Variants in RBPJ observed in about 807,000 individuals in gnomAD.
RBPJ encodes the protein recombination signal binding protein for immunoglobulin kappa J region.
Under a neutral mutation model 67.8 loss-of-function variants are expected in RBPJ, and 9 were observed. That is an observed-to-expected ratio of 0.13 (90% confidence interval 0.08 to 0.23). The LOEUF (loss-of-function observed/expected upper bound fraction) is 0.23. Ranked by LOEUF, RBPJ falls within the 10% of genes least tolerant of loss-of-function variation. The pLI, the probability that RBPJ is intolerant of heterozygous loss-of-function variation, is 1.00. For synonymous variants in RBPJ, 198 were observed against 203.3 expected, an observed-to-expected ratio of 0.97 and a Z score of 0.22; for missense variants, 305 against 595.6, an observed-to-expected ratio of 0.51 and a Z score of 5.08.
At chr4:26,419,119 C>T (rs1473830235) in intron 4 of RBPJ, among the ~76,000 whole-genome samples, 1 of 152,098 alleles carries the variant, frequency 6.6e-6, no homozygotes, top group African/African-American at 2.4e-5. Context: ...GCTGGGACTA[C>T]AGGCATGCAC....
At chr4:26,378,859 T>G (rs1319176817) in intron 1 of RBPJ, among the ~76,000 whole-genome samples, 1 of 152,020 alleles carries the variant, frequency 6.6e-6, no homozygotes, top group African/African-American at 2.4e-5. Flanking sequence ...AAACCCTATC[T>G]CTACAAAAAT....
chr4:26,315,749 A>G (rs977226530), upstream of RBPJ, among the ~76,000 whole-genome samples: 1 of 152,100 alleles, frequency 6.6e-6, no homozygotes, highest in Non-Finnish European at 1.5e-5. Context: ...TTTCAACCAC[A>G]TAAGACAGAC....
rs1720878460 is a variant in RBPJ at position 26,270,440 on chromosome 4, G to GAAAGAAAGAGAAAGAAAGAAA, written c.-166-91997_-166-91996insGAAAGAAAGAAAAAAGAAAGA. ...AAGAAAGAAAGAAAGAAAGAAAGAA[G>GAAAGAAAGAGAAAGAAAGAAA]AAAGAAAGAAAGAAAGAAAAGAAAA... On this transcript the variant is annotated intron_variant, in intron 1 of 4. Coordinates refer to the RBPJ transcript ENST00000512351. Among the ~76,000 whole-genome samples the GAAAGAAAGAGAAAGAAAGAAA allele has an allele frequency of 4.2e-5, 4 of 95,528 alleles. 1 individual carries two copies. The highest frequency in any genetic ancestry group is 1.7e-4 in the African/African-American group (4 of 22,894). The allele number at this position is 95,528 out of a possible 152,430, so 62.7% of individuals were successfully genotyped here.
intron 1 of RBPJ, among the ~76,000 whole-genome samples, chr4:26,239,621 A>G (rs1390685237): frequency 2.6e-5 from 4 of 152,050 alleles, no homozygotes; most frequent in African/African-American, 9.7e-5. Flanking sequence ...GGATCCCAGG[A>G]TACATTTTCA....
At chr4:26,275,758 G>A (rs1306781180) in intron 1 of RBPJ, among the ~76,000 whole-genome samples, 1 of 152,028 alleles carries the variant, frequency 6.6e-6, no homozygotes, top group African/African-American at 2.4e-5. Flanking sequence ...AGCCTTGCGA[G>A]TAGCTGGGAC....
Position 26,364,790 on chromosome 4 carries a change from T to C in RBPJ, c.21-21563T>C, listed in dbSNP as rs554721486. On this transcript the variant is annotated intron_variant, in intron 1 of 10. Coordinates refer to ENST00000355476, the MANE Select transcript of RBPJ (RefSeq NM_015874.6). ...ACAGGCGCGAGCCACCATGCCCAGC[T>C]AATTTTTTGTATTTTTAGTAGAGAC... 6.6e-5 allele frequency among the ~76,000 whole-genome samples: 10 copies of C among 151,980 alleles called. No homozygotes were observed. In the South Asian group the frequency reaches 1.7e-3, roughly 25 times the overall value.
chr4:26,380,326 C>A (rs1730185851), intron 1 of RBPJ, among the ~76,000 whole-genome samples: 5 of 152,026 alleles, frequency 3.3e-5, no homozygotes, highest in Admixed American at 1.3e-4. Context: ...CATATTAGGT[C>A]CATAAGGAGA....
In RBPJ at chr4:26,167,037, A is replaced by AT. The variant is rs554378108; in HGVS notation, c.-167+3425dup. Among the ~76,000 whole-genome samples, 6 of 152,158 alleles carry AT rather than the reference A, an allele frequency of 3.9e-5. No homozygotes were observed. In the South Asian group the frequency reaches 1.2e-3, roughly 32 times the overall value. ...GATCAGATAGTTGTAGATATGTGGC[A>AT]TTATTTCTGAGGGCTCTGTTCTGTT... On this transcript the variant is annotated intron_variant, in intron 1 of 4. Transcript: ENST00000512351.
chr4:26,109,442 CTCTCTCTCTCTCTCTCTCTA>C, the RBPJ span, among the ~76,000 whole-genome samples: 7 of 29,764 alleles, frequency 2.4e-4, no homozygotes, highest in South Asian at 8.6e-4. Context: ...CTCTCTCTCT[CTCTCTCTCTCTCTCTCTCTA>C]TATATATATA....
chr4:26,303,998 A>T (rs1416984672), intron 1 of RBPJ, among the ~76,000 whole-genome samples: 1 of 152,070 alleles, frequency 6.6e-6, no homozygotes, highest in Non-Finnish European at 1.5e-5. Flanking sequence ...ATCACTCCAA[A>T]TGAAGTCCTA....
intron 1 of RBPJ, among the ~76,000 whole-genome samples, chr4:26,331,142 G>T (rs80320396): frequency 8.3e-4 from 127 of 152,284 alleles, no homozygotes; most frequent in African/African-American, 2.8e-3. Context: ...TTGCTGTCAC[G>T]TAGGCTAGAA....
At position 26,222,026 on chromosome 4, in the gene RBPJ, G is replaced by A. The variant is rs997915260; in HGVS notation, c.-167+58412G>A. Among the ~76,000 whole-genome samples the A allele has an allele frequency of 2.6e-5, 4 of 152,158 alleles. No individual in the cohort carries two copies. In the South Asian group the frequency reaches 8.3e-4, roughly 32 times the overall value. ...ATTTCTAGAGACACCTCCGGTTTAT[G>A]GGTGTCACTCTCCACTTTGACGAGG... On this transcript the variant is annotated intron_variant, in intron 1 of 4. Coordinates refer to the RBPJ transcript ENST00000512351.
upstream of RBPJ, among the ~76,000 whole-genome samples, chr4:26,316,564 TACAC>T (rs1171723398): frequency 4.1e-5 from 4 of 97,066 alleles, no homozygotes; most frequent in Admixed American, 3.0e-4. Flanking sequence ...TTCATATATA[TACAC>T]ATTCATATAT....
chr4:26,245,596 A>AT (rs1719901834), intron 1 of RBPJ, among the ~76,000 whole-genome samples: 1 of 151,990 alleles, frequency 6.6e-6, no homozygotes, highest in African/African-American at 2.4e-5. Flanking sequence ...AGTTCAGTTT[A>AT]TTTTTTCTTT....
intron 1 of RBPJ, among the ~76,000 whole-genome samples, chr4:26,258,246 G>C (rs1275262897): frequency 1.3e-5 from 2 of 152,182 alleles, no homozygotes; most frequent in African/African-American, 2.4e-5. Context: ...CTCTCAACTT[G>C]CTCACTACCA....
In RBPJ at chr4:26,415,775, C is replaced by CA. The variant is rs3214340; in HGVS notation, c.321+141dup. The CA allele has an allele frequency of 6.7e-6, 5 of 745,192 alleles. No homozygotes were observed. The African/African-American group carries it at 1.0e-4, about 15-fold the overall frequency. 46.2% of individuals were successfully genotyped at this position (745,192 alleles called of 1,614,324 possible). On this transcript the variant is annotated intron_variant, in intron 4 of 10. Transcript: ENST00000355476. Reference sequence around the variant, plus strand: ...ATTTCTTGAATATATAAACTAGGACCAAAAAACATGCCTCTCATAGCTTTG... The same window carrying CA: ...ATTTCTTGAATATATAAACTAGGACCAAAAAAACATGCCTCTCATAGCTTTG...
At chr4:26,282,613 C>T (rs189928040) in intron 1 of RBPJ, among the ~76,000 whole-genome samples, 12 of 152,036 alleles carry the variant, frequency 7.9e-5, no homozygotes, top group East Asian at 3.9e-4. Context: ...CTCTACCTCC[C>T]GGGTTCAAGC....
upstream of RBPJ, among the ~76,000 whole-genome samples, chr4:26,159,715 C>T (rs542515717): frequency 9.9e-5 from 15 of 152,264 alleles, no homozygotes; most frequent in East Asian, 2.7e-3. Flanking sequence ...GCCACTATAA[C>T]AAAGATACCC....
the RBPJ span, among the ~76,000 whole-genome samples, chr4:26,139,338 TA>T: frequency 1.0e-3 from 152 of 152,184 alleles, no homozygotes; most frequent in African/African-American, 3.5e-3. Flanking sequence ...TATTGGGTAC[TA>T]AAAAAAAGCT....
Sources: gnomAD v4.1 joint callset for allele counts (sites outside exome capture counted in the v4.1 genomes callset) on GRCh38, gnomAD v4.1.1 for gene constraint, MANE v1.5 for transcripts, NCBI Gene and HGNC (gene_info 2026-07-23, HGNC 2026-07-21) for gene names.